The following ITM2C variants were observed in gnomAD, a reference collection of about 807,000 sequenced individuals.
ITM2C encodes the protein BRICHOS domain containing 2C.
ITM2C carries 20 observed loss-of-function variants against 30.0 expected under a neutral mutation model. The ratio of observed to expected loss-of-function variants is 0.67; its 90% confidence interval spans 0.47 to 0.97. The LOEUF (loss-of-function observed/expected upper bound fraction) is 0.97. Among genes scored for constraint, ITM2C ranks in the 50% least tolerant of loss-of-function variants. The pLI, the probability that ITM2C is intolerant of heterozygous loss-of-function variation, is 0.00. For missense variants in ITM2C, 366 were observed against 371.9 expected, an observed-to-expected ratio of 0.98 and a Z score of 0.13; for synonymous variants, 167 against 156.4, an observed-to-expected ratio of 1.07 and a Z score of -0.51.
chr2:230,866,939 G>A (rs1017986494), intron 1 of ITM2C, among the ~76,000 whole-genome samples: 2 of 152,214 alleles, frequency 1.3e-5, no homozygotes, highest in South Asian at 4.1e-4. Context: ...TGGGCAGTCT[G>A]ACAGAGACCT....
chr2:230,874,203 C>T (rs953344625), intron 2 of ITM2C, among the ~76,000 whole-genome samples: 4 of 152,206 alleles, frequency 2.6e-5, no homozygotes, highest in Admixed American at 1.3e-4. Context: ...TGGGACTTGC[C>T]AGTCATTTAT....
Position 230,877,547 on chromosome 2 carries a change from A to T in ITM2C, c.709A>T (p.Arg237Trp). 1 of 1,613,404 alleles carries T rather than the reference A, an allele frequency of 6.2e-7. No individual in the cohort carries two copies. Among genetic ancestry groups the T allele is most frequent in the Non-Finnish European group, 8.5e-7 (1 of 1,179,994 alleles). The stretch of plus-strand genomic sequence containing the variant: ...CCGGCTCCGGCGCCGGGCAACGCGG[A>T]GGCGTGAGTGGCTGGCTTCACCCAC... ...TYRLRRRATR[R>W]RINKRGAKNC... The change falls in exon 5 of 6, where the codon AGG becomes TGG. Residue 237 changes from arginine to tryptophan, a missense_variant. Physicochemically the swap from Arg to Trp is moderately radical, Grantham distance 101. Coordinates refer to ENST00000326427, the MANE Select transcript of ITM2C (RefSeq NM_030926.6). The surrounding 1 kb of genome is among the most constrained non-coding windows in gnomAD (Gnocchi z 4.8).
rs1449955819 is a variant in ITM2C at position 230,875,755 on chromosome 2, G to A, written c.397G>A (p.Val133Met). Residue 133 changes from valine (V) to methionine (M), a missense_variant, in exon 3 of 6, where the codon GTG (valine) becomes ATG (methionine). Coordinates refer to ENST00000326427, the MANE Select transcript of ITM2C (RefSeq NM_030926.6). ...GAACTACGAGCGCATCAACGTGCCT[G>A]TGCCCCAGTTTGGCGGCGGTGACCC... is the stretch of plus-strand genomic sequence containing the variant. ...DENYERINVP[V>M]PQFGGGDPAD... 3 of 1,607,734 alleles carry A rather than the reference G, an allele frequency of 1.9e-6. No homozygotes were observed. In the African/African-American group the frequency reaches 4.0e-5, roughly 22 times the overall value.
Position 230,875,820 on chromosome 2 carries a change from CAGGG to C in ITM2C, c.450+13_450+16del. 2 of 1,343,242 alleles carry C rather than the reference CAGGG, an allele frequency of 1.5e-6. No homozygotes were observed. The highest frequency in any genetic ancestry group is 9.7e-7 in the Non-Finnish European group (1 of 1,035,538). 83.2% of individuals were successfully genotyped at this position (1,343,242 alleles called of 1,614,324 possible). The stretch of plus-strand genomic sequence containing the variant: ...ATGACTTCCAGCGGGTGAGGCTGGC[CAGGG>C]CCTGGGGGTGGGGGGTGGGAGGGTG... On this transcript the variant is annotated intron_variant, in intron 3 of 5. Transcript: ENST00000326427.
At chr2:230,875,505 C>CT (rs1697268966) in intron 2 of ITM2C, 115 bp from the exon 3 acceptor site, 2 of 893,246 alleles carry the variant, frequency 2.2e-6, no homozygotes, top group African/African-American at 3.3e-5. Flanking sequence ...CCCTGCTCTT[C>CT]TTGCTTCCGC....
Position 230,865,441 on chromosome 2 carries a change from A to AG in ITM2C, c.120+301dup. On this transcript the variant is annotated intron_variant, in intron 1 of 5. Transcript: ENST00000326427. This position sits in a 1 kb window ranked among gnomAD's most constrained non-coding sequence, Gnocchi z 6.8. ...AGTGGGGGCCCCCTCGCCGCCTTAT[A>AG]GGGGGAGGGGGCTGGTCCGAAGAAG... is the stretch of plus-strand genomic sequence containing the variant. 3.5e-6 allele frequency: 1 copy of AG among 284,346 alleles called. No homozygotes were observed. The highest frequency in any genetic ancestry group is 6.5e-6 in the Non-Finnish European group (1 of 153,602). The allele number at this position is 284,346 out of a possible 1,614,324, so 17.6% of individuals were successfully genotyped here.
At position 230,877,671 on chromosome 2, in the gene ITM2C, A is replaced by C. The variant is rs1689949655; in HGVS notation, c.712+121A>C. 1.9e-6 allele frequency: 2 copies of C among 1,068,048 alleles called. No individual in the cohort carries two copies. The highest frequency in any genetic ancestry group is 2.9e-5 in the South Asian group (2 of 67,950). The allele number at this position is 1,068,048 out of a possible 1,614,324, so 66.2% of individuals were successfully genotyped here. On this transcript the variant is annotated intron_variant, in intron 5 of 5. Coordinates refer to ENST00000326427, the MANE Select transcript of ITM2C (RefSeq NM_030926.6). This position sits in a 1 kb window ranked among gnomAD's most constrained non-coding sequence, Gnocchi z 4.8. Reference sequence around the variant, plus strand: ...AGCAGCAATAACAGCTAGCATTAGCAGAGCACTTCCGTGTGCCGGGCAATG... The same window carrying C: ...AGCAGCAATAACAGCTAGCATTAGCCGAGCACTTCCGTGTGCCGGGCAATG...
chr2:230,864,864 C>G (rs1696982717), upstream of ITM2C: 1 of 913,952 alleles, frequency 1.1e-6, no homozygotes, highest in African/African-American at 1.7e-5. This position sits in a 1 kb window ranked among gnomAD's most constrained non-coding sequence, Gnocchi z 4.3. Context: ...GGCGCCGGGG[C>G]CCTCCCGCGG....
intron 1 of ITM2C, among the ~76,000 whole-genome samples, chr2:230,867,286 A>G (rs1238547601): frequency 6.6e-6 from 1 of 152,208 alleles, no homozygotes; most frequent in African/African-American, 2.4e-5. Flanking sequence ...AGGTGTTGCA[A>G]GTTGGCTCTG....
rs543627811 is a variant in ITM2C, at chr2:230,874,827, C to T, written c.262-793C>T. On this transcript the variant is annotated intron_variant, in intron 2 of 5. Transcript: ENST00000326427. ...GTAAGAGTGGGCAGACTGGCCCGCC[C>T]GGCCATTCAGTTGATGGGATCACAC... 4.0e-4 allele frequency among the ~76,000 whole-genome samples: 61 copies of T among 152,238 alleles called. 1 individual carries two copies. The South Asian group carries it at 0.012, about 29-fold the overall frequency.
upstream of ITM2C, chr2:230,864,535 C>G (rs111634963): frequency 6.6e-6 from 1 of 152,392 alleles, no homozygotes; most frequent in Non-Finnish European, 1.5e-5. This position sits in a 1 kb window ranked among gnomAD's most constrained non-coding sequence, Gnocchi z 4.3. Flanking sequence ...AAGGGGAAGA[C>G]CTGAAGTGGG....
chr2:230,872,269 G>C (rs1254717184), intron 1 of ITM2C, among the ~76,000 whole-genome samples: 1 of 152,214 alleles, frequency 6.6e-6, no homozygotes, highest in Non-Finnish European at 1.5e-5. Context: ...ACGGAGGAAG[G>C]ATTAAATGGT....
intron 2 of ITM2C, among the ~76,000 whole-genome samples, chr2:230,873,912 C>G (rs1482475923): frequency 6.6e-6 from 1 of 152,232 alleles, no homozygotes; most frequent in Non-Finnish European, 1.5e-5. Flanking sequence ...GCAGGTCACG[C>G]TTTAAGGCTG....
At chr2:230,875,836 G>A (rs759293345) in intron 3 of ITM2C, 28 bp downstream of exon 3, 8 of 396,242 alleles carry the variant, frequency 2.0e-5, no homozygotes, top group Admixed American at 6.5e-5. Flanking sequence ...CTGGGGGTGG[G>A]GGGTGGGAGG....
At chr2:230,870,628 C>T (rs545495804) in intron 1 of ITM2C, among the ~76,000 whole-genome samples, 2 of 152,326 alleles carry the variant, frequency 1.3e-5, no homozygotes, top group African/African-American at 2.4e-5. Context: ...CAGCTGGGGC[C>T]GTGGAAGCCT....
rs141019294 is a variant in ITM2C, at chr2:230,877,637, T to C, written c.712+87T>C. 123 of 1,431,832 alleles carry C rather than the reference T, an allele frequency of 8.6e-5. 1 individual carries two copies. The East Asian group carries it at 2.5e-3, about 29-fold the overall frequency. The allele number at this position is 1,431,832 out of a possible 1,614,324, so 88.7% of individuals were successfully genotyped here. The stretch of plus-strand genomic sequence containing the variant: ...ACGCCTAGCCCAGCTGTCAGAGAGC[T>C]CAGATAGCAGCAGCAATAACAGCTA... On this transcript the variant is annotated intron_variant, in intron 5 of 5. Transcript: ENST00000326427. The surrounding 1 kb of genome is among the most constrained non-coding windows in gnomAD (Gnocchi z 4.8).
chr2:230,866,940 A>G (rs1193192639), intron 1 of ITM2C, among the ~76,000 whole-genome samples: 1 of 152,146 alleles, frequency 6.6e-6, no homozygotes, highest in Non-Finnish European at 1.5e-5. Flanking sequence ...GGGCAGTCTG[A>G]CAGAGACCTG....
rs1697001892 is a variant in ITM2C, at chr2:230,865,407, T to C, written c.120+262T>C. ...TTCAGGTGGAGAAGTGCTCGAGGTC[T>C]CTTCCAAAAGTGGGGGCCCCCTCGC... On this transcript the variant is annotated intron_variant, in intron 1 of 5. Transcript: ENST00000326427. This position sits in a 1 kb window ranked among gnomAD's most constrained non-coding sequence, Gnocchi z 6.8. 1 of 367,928 alleles carries C rather than the reference T, an allele frequency of 2.7e-6. No individual in the cohort carries two copies. Among genetic ancestry groups the C allele is most frequent in the Non-Finnish European group, 4.8e-6 (1 of 209,588 alleles). The allele number at this position is 367,928 out of a possible 1,614,324, so 22.8% of individuals were successfully genotyped here. A position where few individuals can be genotyped will look rare whatever the true frequency, so the allele number is the denominator to read the frequency against.
rs1021615025 is a variant in ITM2C at position 230,865,725 on chromosome 2, A to G, written c.120+580A>G. The G allele has an allele frequency of 5.3e-5, 8 of 152,362 alleles. No homozygotes were observed. Among genetic ancestry groups the G allele is most frequent in the African/African-American group, 1.7e-4 (7 of 41,462 alleles). The allele number at this position is 152,362 out of a possible 1,614,324, so 9.4% of individuals were successfully genotyped here. A position where few individuals can be genotyped will look rare whatever the true frequency, so the allele number is the denominator to read the frequency against. On this transcript the variant is annotated intron_variant, in intron 1 of 5. Transcript: ENST00000326427. This position sits in a 1 kb window ranked among gnomAD's most constrained non-coding sequence, Gnocchi z 6.8. ...TGGCCTGCACCGGAATTGACAGACC[A>G]GAAAGTGATGAAATGGAAATCAGCC...
Sources: gnomAD v4.1 joint callset for allele counts (sites outside exome capture counted in the v4.1 genomes callset) on GRCh38, gnomAD v4.1.1 for gene constraint, Gnocchi (gnomAD v3.1) non-coding constraint, MANE v1.5 for transcripts, NCBI Gene and HGNC (gene_info 2026-07-23, HGNC 2026-07-21) for gene names.